ZNF407: variants seen among roughly 807,000 people sequenced by gnomAD.
The protein encoded by ZNF407 is zinc finger protein 407.
A neutral mutation model predicts 131.2 loss-of-function variants in ZNF407; 17 were observed. The ratio of observed to expected loss-of-function variants is 0.13; its 90% CI spans 0.09 to 0.19. The LOEUF (loss-of-function observed/expected upper bound fraction) is 0.19. ZNF407 is among the 10% of genes least tolerant of loss of function. The pLI is 1.00. For missense variants in ZNF407, 2,681 were observed against 2,830.6 expected (o/e 0.95, Z 1.20); for synonymous variants, 1,156 against 1,062.0 (o/e 1.09, Z -1.72).
rs1239824089 is a variant in ZNF407 at position 74,650,573 on chromosome 18, G to T, written c.4802+9451G>T. On this transcript the variant is annotated intron_variant, in intron 3 of 8. Transcript: ENST00000299687. ...CTTTCTAGGTAGTTTGGTTGACAGGGGTCTGCACTTGGTCATACACTTTAG... is the reference window on the plus strand; with the variant it reads ...CTTTCTAGGTAGTTTGGTTGACAGGTGTCTGCACTTGGTCATACACTTTAG... Among the ~76,000 whole-genome samples the T allele has an allele frequency of 8.5e-5, 13 of 152,154 alleles. No homozygotes were observed. In the Middle Eastern group the frequency reaches 0.017, roughly 199 times the overall value.
intron 3 of ZNF407, among the ~76,000 whole-genome samples, chr18:74,706,325 T>C (rs1426320384): frequency 1.3e-5 from 2 of 152,230 alleles, no homozygotes; most frequent in Non-Finnish European, 2.9e-5. Context: ...ATTATTGTTC[T>C]TTGAGAAATG....
intron 8 of ZNF407, among the ~76,000 whole-genome samples, chr18:75,051,601 T>C (rs1360141271): frequency 6.6e-6 from 1 of 152,154 alleles, no homozygotes; most frequent in Non-Finnish European, 1.5e-5. Context: ...TATTCAGGGT[T>C]CTAGAGAAGA....
chr18:74,686,013 C>T (rs1967088997), intron 3 of ZNF407, among the ~76,000 whole-genome samples: 1 of 152,206 alleles, frequency 6.6e-6, no homozygotes, highest in African/African-American at 2.4e-5. Context: ...ATAATCGGCG[C>T]TTAATAAGTA....
At position 74,980,812 on chromosome 18, in the gene ZNF407, G is replaced by T. The variant is rs143406710; in HGVS notation, c.5428+60120G>T. ...TGCATGAAAGGAAGCCAGGAACCCA[G>T]CAGAGGAAAGAAAGGGAGCACCAGT... On this transcript the variant is annotated intron_variant, in intron 8 of 8. Transcript: ENST00000299687. 1.1e-4 allele frequency among the ~76,000 whole-genome samples: 16 copies of T among 152,272 alleles called. No individual in the cohort carries two copies. In the East Asian group the frequency reaches 2.9e-3, roughly 28 times the overall value.
intron 8 of ZNF407, among the ~76,000 whole-genome samples, chr18:75,046,481 A>G (rs79719955): frequency 1.4e-4 from 21 of 152,218 alleles, no homozygotes; most frequent in Middle Eastern, 3.4e-3. Context: ...CTTCACTTTT[A>G]CTGCCTTATA....
chr18:74,794,694 C>T (rs1459911837), intron 4 of ZNF407, among the ~76,000 whole-genome samples: 1 of 152,026 alleles, frequency 6.6e-6, no homozygotes, highest in African/African-American at 2.4e-5. Flanking sequence ...TGGTCTGTAT[C>T]TCCATATTTT....
chr18:74,711,062 CAT>C lies in ZNF407; in HGVS notation c.4802+69941_4802+69942del, dbSNP rs1967749624. 4.0e-5 allele frequency among the ~76,000 whole-genome samples: 6 copies of C among 150,446 alleles called. No individual in the cohort carries two copies. In the South Asian group the frequency reaches 8.5e-4, roughly 21 times the overall value. ...TTATCAATTCACTCTGTCCATTCTCCATGGATGCTATTATCAATTCACTCTGT... is the reference window on the plus strand; with the variant it reads ...TTATCAATTCACTCTGTCCATTCTCCGGATGCTATTATCAATTCACTCTGT... On this transcript the variant is annotated intron_variant, in intron 3 of 8. Coordinates refer to ENST00000299687, the MANE Select transcript of ZNF407 (RefSeq NM_017757.3).
At chr18:74,951,139 G>A (rs1395538615) in intron 8 of ZNF407, among the ~76,000 whole-genome samples, 1 of 152,160 alleles carries the variant, frequency 6.6e-6, no homozygotes, top group Non-Finnish European at 1.5e-5. Context: ...CACTACTACT[G>A]TGATACCCCC....
intron 8 of ZNF407, among the ~76,000 whole-genome samples, chr18:75,007,394 A>T (rs1972923724): frequency 6.6e-6 from 1 of 152,024 alleles, no homozygotes; most frequent in African/African-American, 2.4e-5. Flanking sequence ...AACACCTGTT[A>T]TTTCCCTTGT....
intron 4 of ZNF407, among the ~76,000 whole-genome samples, chr18:74,848,995 A>G (rs1386990700): frequency 6.6e-6 from 1 of 150,848 alleles, no homozygotes. Context: ...TTGAAGTCAC[A>G]TGAATTTGGA....
intron 1 of ZNF407, among the ~76,000 whole-genome samples, chr18:74,627,836 GCCCCA>G (rs1331659133): frequency 1.5e-3 from 84 of 55,724 alleles, no homozygotes; most frequent in East Asian, 5.0e-3. Context: ...GCCCTGCCCC[GCCCCA>G]CCCCGCCCCG....
chr18:74,820,465 C>T (rs1304808564), intron 4 of ZNF407, among the ~76,000 whole-genome samples: 2 of 152,204 alleles, frequency 1.3e-5, no homozygotes, highest in East Asian at 3.9e-4. Flanking sequence ...CTCTCAGGGC[C>T]TGCAAACTGG....
intron 3 of ZNF407, among the ~76,000 whole-genome samples, chr18:74,671,093 G>A (rs750208216): frequency 6.6e-6 from 1 of 152,166 alleles, no homozygotes; most frequent in Non-Finnish European, 1.5e-5. Flanking sequence ...GATAAGCCCT[G>A]AGTGCCCGTC....
chr18:74,674,206 C>A (rs578777), intron 3 of ZNF407, among the ~76,000 whole-genome samples: 3,530 of 152,264 alleles, frequency 0.023, 149 homozygotes, highest in African/African-American at 0.08. Context: ...CTTTCTCAGG[C>A]CTTTGCCTGC....
chr18:74,885,440 T>G (rs1380738991), intron 6 of ZNF407, among the ~76,000 whole-genome samples: 1 of 152,144 alleles, frequency 6.6e-6, no homozygotes, highest in Non-Finnish European at 1.5e-5. Context: ...CATCGATCAA[T>G]CCAAATCCCA....
Position 74,915,720 on chromosome 18 carries a change from T to TGC in ZNF407, c.5250-4793_5250-4792dup, listed in dbSNP as rs1555699621. On this transcript the variant is annotated intron_variant, in intron 7 of 8. Coordinates refer to ENST00000299687, the MANE Select transcript of ZNF407 (RefSeq NM_017757.3). Reference sequence around the variant, plus strand: ...GTGTGTGTGTGTGTGTGTGTGTGTGTGCTGGTATGGTGAGGTTGTATGCAG... The same window carrying TGC: ...GTGTGTGTGTGTGTGTGTGTGTGTGTGCGCTGGTATGGTGAGGTTGTATGCAG... Among the ~76,000 whole-genome samples, 17 of 84,828 alleles carry TGC rather than the reference T, an allele frequency of 2.0e-4. 3 individuals are homozygous for TGC. The highest frequency in any genetic ancestry group is 0.013 in the Middle Eastern group (2 of 160). The allele number at this position is 84,828 out of a possible 152,430, so 55.7% of individuals were successfully genotyped here.
chr18:74,630,459 C>T (rs1237965613), intron 1 of ZNF407, among the ~76,000 whole-genome samples: 1 of 152,134 alleles, frequency 6.6e-6, no homozygotes, highest in Non-Finnish European at 1.5e-5. Context: ...GTGTGAGCCA[C>T]CACGCCTGGC....
chr18:74,854,122 T>TG (rs1970826849), intron 4 of ZNF407, among the ~76,000 whole-genome samples: 1 of 152,188 alleles, frequency 6.6e-6, no homozygotes, highest in Non-Finnish European at 1.5e-5. Flanking sequence ...TTTAATGTCT[T>TG]GCACCACAGT....
intron 3 of ZNF407, among the ~76,000 whole-genome samples, chr18:74,657,264 A>G (rs1985502801): frequency 6.6e-6 from 1 of 152,292 alleles, no homozygotes; most frequent in African/African-American, 2.4e-5. Context: ...TGAAAAAATG[A>G]TAGTAGAAGG....
Sources: allele counts gnomAD v4.1 joint callset (sites outside exome capture counted in the v4.1 genomes callset), GRCh38; gene constraint gnomAD v4.1.1; transcripts MANE v1.5; gene names NCBI Gene and HGNC (gene_info 2026-07-23, HGNC 2026-07-21).